TRPC4AP: variants seen among roughly 807,000 people sequenced by gnomAD.
TRPC4AP encodes the protein transient receptor potential cation channel subfamily C member 4 associated protein, also known as short transient receptor potential channel 4-associated protein.
TRPC4AP carries 45 observed loss-of-function variants against 99.0 expected under a neutral mutation model. The observed-to-expected ratio is 0.45, with a 90% confidence interval of 0.36 to 0.58. TRPC4AP has a LOEUF of 0.58. Ranked by LOEUF, TRPC4AP falls within the 20% of genes least tolerant of loss-of-function variation. The probability of loss-of-function intolerance (pLI) is 0.00; values close to 1 mark genes in which losing one functional copy is unlikely to be tolerated. For synonymous variants in TRPC4AP, 408 were observed against 385.8 expected (o/e 1.06, Z -0.67); for missense variants, 879 against 985.3 (o/e 0.89, Z 1.44).
rs11905247 is a variant in TRPC4AP at position 35,021,287 on chromosome 20, T to G, written c.1121A>C (p.Gln374Pro). ...NGLPHTSARTQLPQSMKIMHE... is the reference protein window; with the variant it reads ...NGLPHTSARTPLPQSMKIMHE... ...CATAATCTTCATTGACTGGGGCAGC[T>G]GGGTTCTGGCTGACGTGTGAGGCAG... The change falls in exon 9 of 19, where the codon CAG (glutamine) becomes CCG (proline). Residue 374 changes from glutamine to proline, a missense_variant. By Grantham distance (76) the Gln-to-Pro change is moderately conservative. Around this residue, in one of 3 missense-constraint regions of TRPC4AP, gnomAD observed 603 missense variants for 631.8 expected, o/e 0.95. Transcript: ENST00000252015. 5.0e-6 allele frequency: 8 copies of G among 1,614,084 alleles called. No homozygotes were observed. The African/African-American group carries it at 1.1e-4, about 22-fold the overall frequency.
chr20:35,036,994 A>G (rs927358550), intron 7 of TRPC4AP, among the ~76,000 whole-genome samples: 3 of 151,706 alleles, frequency 2.0e-5, no homozygotes, highest in South Asian at 2.1e-4. Flanking sequence ...TCCCATAATT[A>G]GTGAGTGGCT....
At chr20:35,038,356 C>T (rs1372616673) in intron 7 of TRPC4AP, among the ~76,000 whole-genome samples, 1 of 151,152 alleles carries the variant, frequency 6.6e-6, no homozygotes, top group Non-Finnish European at 1.5e-5. Flanking sequence ...CTACAGACAA[C>T]ACGGTGGGGA....
At chr20:35,077,907 G>T in intron 2 of TRPC4AP, 139 bp downstream of exon 2, 2 of 957,770 alleles carry the variant, frequency 2.1e-6, no homozygotes, top group South Asian at 2.0e-5. Flanking sequence ...TACTTTTTCT[G>T]AATTTCTCAA....
At position 35,021,359 on chromosome 20, in the gene TRPC4AP, GAC is replaced by G. The variant is rs1569093164; in HGVS notation, c.1052-5_1052-4del. The G allele has an allele frequency of 6.2e-7, 1 of 1,612,874 alleles. No homozygotes were observed. The highest frequency in any genetic ancestry group is 8.5e-7 in the Non-Finnish European group (1 of 1,179,238). On this transcript the variant is annotated splice_polypyrimidine_tract_variant and splice_region_variant and intron_variant, in intron 8 of 18. Coordinates refer to ENST00000252015, the MANE Select transcript of TRPC4AP (RefSeq NM_015638.3). ...TGGAGGAGGGAACACAATGGAGGCT[GAC>G]ACAGCCACCGGAGACAGGATTGAGT... is the stretch of plus-strand genomic sequence containing the variant.
intron 1 of TRPC4AP, among the ~76,000 whole-genome samples, chr20:35,089,704 C>T (rs1183421913): frequency 6.6e-6 from 1 of 152,074 alleles, no homozygotes; most frequent in Non-Finnish European, 1.5e-5. Context: ...CAAAAAGTAG[C>T]CAGGTGTGGT....
chr20:35,067,731 C>T (rs1402836396), intron 3 of TRPC4AP, among the ~76,000 whole-genome samples: 1 of 152,058 alleles, frequency 6.6e-6, no homozygotes, highest in Admixed American at 6.5e-5. Context: ...AATCATTACG[C>T]TAAGTGAAAA....
chr20:35,089,777 C>CG (rs1343985862), intron 1 of TRPC4AP, among the ~76,000 whole-genome samples: 1 of 151,890 alleles, frequency 6.6e-6, no homozygotes, highest in East Asian at 1.9e-4. Context: ...ATCCGGGAGA[C>CG]GGAGGATGCA....
At chr20:35,012,986 G>A in intron 11 of TRPC4AP, 22 bp downstream of exon 11, 1 of 1,613,658 alleles carries the variant, frequency 6.2e-7, no homozygotes, top group Non-Finnish European at 8.5e-7. Flanking sequence ...AACTCTCCTT[G>A]CAGGGACACT....
intron 9 of TRPC4AP, among the ~76,000 whole-genome samples, chr20:35,016,545 C>G (rs1483189861): frequency 1.3e-5 from 2 of 152,088 alleles, no homozygotes; most frequent in East Asian, 3.8e-4. Flanking sequence ...TCAAAATGTT[C>G]CTCATGCTTT....
At chr20:35,061,093 A>G (rs1444513266) in intron 3 of TRPC4AP, among the ~76,000 whole-genome samples, 1 of 152,232 alleles carries the variant, frequency 6.6e-6, no homozygotes, top group South Asian at 2.1e-4. Context: ...GAAAATTCCT[A>G]AAGAATCCAC....
intron 7 of TRPC4AP, among the ~76,000 whole-genome samples, chr20:35,040,546 G>C (rs1292539040): frequency 6.6e-6 from 1 of 152,186 alleles, no homozygotes; most frequent in Non-Finnish European, 1.5e-5. Context: ...TCCGGACTTG[G>C]ACTGAGCCAT....
intron 9 of TRPC4AP, among the ~76,000 whole-genome samples, chr20:35,018,604 G>GAAAAAAAAAAAAAAAAAAACCAAAAAAA (rs2082807848): frequency 1.1e-5 from 1 of 88,950 alleles, no homozygotes; most frequent in Admixed American, 1.4e-4. Context: ...CTCAAAAAAA[G>GAAAAAAAAAAAAAAAAAAACCAAAAAAA]AAAAAAAAAA....
intron 16 of TRPC4AP, among the ~76,000 whole-genome samples, chr20:35,004,851 G>A (rs979674616): frequency 3.3e-5 from 5 of 152,146 alleles, no homozygotes; most frequent in African/African-American, 7.2e-5. Flanking sequence ...CTCCAGACCC[G>A]TGCCCTCCAT....
chr20:35,039,739 TG>T (rs2083405525), intron 7 of TRPC4AP, among the ~76,000 whole-genome samples: 1 of 152,154 alleles, frequency 6.6e-6, no homozygotes, highest in Non-Finnish European at 1.5e-5. Context: ...CTAAGAATCT[TG>T]AAAGACGTTA....
At position 35,092,778 on chromosome 20, in the gene TRPC4AP, C is replaced by T; in HGVS notation, c.4G>A (p.Ala2Thr). Reference protein sequence around the residue: MAAAPVAAGSGA... With the variant: MTAAPVAAGSGA... ...GACCCAGCCGCTACCGGCGCCGCCG[C>T]CATGTCTCCTCGTCGGACAAACAGG... is the stretch of plus-strand genomic sequence containing the variant. Residue 2 changes from alanine (A) to threonine (T), a missense_variant, in exon 1 of 19, where the codon GCG becomes ACG. Ala to Thr is a moderately conservative substitution (Grantham distance 58). Coordinates refer to ENST00000252015, the MANE Select transcript of TRPC4AP (RefSeq NM_015638.3). The T allele has an allele frequency of 6.5e-7, 1 of 1,536,602 alleles. No homozygotes were observed. Among genetic ancestry groups the T allele is most frequent in the Non-Finnish European group, 8.7e-7 (1 of 1,153,852 alleles).
chr20:35,014,314 A>AT (rs66518839), intron 10 of TRPC4AP, among the ~76,000 whole-genome samples: 4,809 of 113,026 alleles, frequency 0.043, 445 homozygotes, highest in African/African-American at 0.14. Flanking sequence ...CTCAGGCAGA[A>AT]TTTTTTTTTT....
intron 1 of TRPC4AP, among the ~76,000 whole-genome samples, chr20:35,080,139 A>G (rs1428821014): frequency 6.6e-6 from 1 of 152,174 alleles, no homozygotes; most frequent in Non-Finnish European, 1.5e-5. Flanking sequence ...AAAAAAAGTA[A>G]TGATGTACTG....
intron 9 of TRPC4AP, 46 bp downstream of exon 9, chr20:35,021,144 G>A (rs1013427365): frequency 1.3e-6 from 2 of 1,589,364 alleles, no homozygotes; most frequent in Non-Finnish European, 1.7e-6. Flanking sequence ...TGAGCACCCG[G>A]GCAGCACCTG....
intron 2 of TRPC4AP, among the ~76,000 whole-genome samples, chr20:35,074,361 T>C (rs2084413323): frequency 6.6e-6 from 1 of 152,218 alleles, no homozygotes; most frequent in South Asian, 2.1e-4. Flanking sequence ...ATTGTGATGT[T>C]AGGGTGTCAA....
Sources: allele counts gnomAD v4.1 joint callset (sites outside exome capture counted in the v4.1 genomes callset), GRCh38; gene constraint gnomAD v4.1.1; regional missense constraint gnomAD v4.1.1; transcripts MANE v1.5; gene names NCBI Gene and HGNC (gene_info 2026-07-23, HGNC 2026-07-21).